Variants in PSMD11 observed in about 807,000 individuals in gnomAD.
PSMD11 encodes proteasome 26S subunit, non-ATPase 11, also known as 26S proteasome non-ATPase regulatory subunit 11.
PSMD11 carries 5 observed loss-of-function variants against 62.3 expected under a neutral mutation model. The ratio of observed to expected loss-of-function variants is 0.08; its 90% CI spans 0.04 to 0.17. The LOEUF is 0.17. PSMD11 is among the 10% of genes least tolerant of loss of function. The probability of loss-of-function intolerance (pLI) is 1.00; values close to 1 mark genes in which losing one functional copy is unlikely to be tolerated. For synonymous variants in PSMD11, 191 were observed against 191.8 expected (o/e 1.00, Z 0.03); for missense variants, 310 against 512.9 (o/e 0.60, Z 3.82).
chr17:32,462,263 C>G (rs1345427553), intron 3 of PSMD11, among the ~76,000 whole-genome samples: 2 of 152,242 alleles, frequency 1.3e-5, no homozygotes, highest in Admixed American at 1.3e-4. Context: ...CTGTGGGGGG[C>G]ACTTCTTACC....
In PSMD11 at chr17:32,480,614, G is replaced by A; in HGVS notation, c.1252G>A (p.Ala418Thr). 1 of 1,614,166 alleles carries A rather than the reference G, an allele frequency of 6.2e-7. No individual in the cohort carries two copies. The highest frequency in any genetic ancestry group is 8.5e-7 in the Non-Finnish European group (1 of 1,180,036). Residue 418 changes from alanine (A) to threonine (T), a missense_variant, in exon 13 of 14, where the codon GCC (alanine) becomes ACC (threonine). Physicochemically the swap from Ala to Thr is moderately conservative, Grantham distance 58 (BLOSUM62 0). Around this residue, in one of 6 missense-constraint regions of PSMD11, gnomAD observed 135 missense variants for 195.4 expected, o/e 0.69. Transcript: ENST00000261712. ...AGTAGTGGATTCCCTCTACAACAAAGCCAAGAAACTGACATAGGTGAGTGC... is the reference window on the plus strand; with the variant it reads ...AGTAGTGGATTCCCTCTACAACAAAACCAAGAAACTGACATAGGTGAGTGC... ...SKVVDSLYNK[A>T]KKLT
intron 5 of PSMD11, among the ~76,000 whole-genome samples, chr17:32,468,509 G>A (rs1054882893): frequency 6.6e-6 from 1 of 152,166 alleles, no homozygotes; most frequent in South Asian, 2.1e-4. Context: ...TGTATATGGT[G>A]TAAGTCTGTT....
intron 2 of PSMD11, among the ~76,000 whole-genome samples, chr17:32,450,149 C>A (rs893823417): frequency 1.8e-4 from 27 of 152,110 alleles, no homozygotes; most frequent in African/African-American, 5.8e-4. Flanking sequence ...TTAGTAGAGG[C>A]GGAGTTTCAT....
chr17:32,471,549 T>C (rs1308361127), intron 6 of PSMD11, among the ~76,000 whole-genome samples: 1 of 152,206 alleles, frequency 6.6e-6, no homozygotes, highest in African/African-American at 2.4e-5. Flanking sequence ...TTAGAAAAGC[T>C]ATCTTAAAGT....
intron 8 of PSMD11, among the ~76,000 whole-genome samples, chr17:32,475,802 C>T (rs1207136102): frequency 1.3e-5 from 2 of 151,726 alleles, no homozygotes; most frequent in African/African-American, 2.4e-5. Context: ...CCATCTTGGC[C>T]AGGCTGTCCC....
intron 4 of PSMD11, 81 bp from the exon 5 acceptor site, chr17:32,464,440 A>T: frequency 8.6e-7 from 1 of 1,166,614 alleles, no homozygotes; most frequent in Non-Finnish European, 1.2e-6. Context: ...TTTAACAGTA[A>T]CAGTTCTGTG....
At position 32,468,860 on chromosome 17, in the gene PSMD11, A is replaced by T. The variant is rs865851243; in HGVS notation, c.449-139A>T. ...CATTAGTGGAAAATTTAATTATTGCATGGGGTCTAGAGGTAACCTTTTTTG... is the reference window on the plus strand; with the variant it reads ...CATTAGTGGAAAATTTAATTATTGCTTGGGGTCTAGAGGTAACCTTTTTTG... On this transcript the variant is annotated intron_variant, in intron 5 of 13. Transcript: ENST00000261712. 4.7e-6 allele frequency: 3 copies of T among 637,348 alleles called. No homozygotes were observed. The East Asian group carries it at 9.7e-5, about 21-fold the overall frequency. The allele number at this position is 637,348 out of a possible 1,614,324, so 39.5% of individuals were successfully genotyped here.
intron 1 of PSMD11, chr17:32,444,844 C>CG (rs1907279268): frequency 5.2e-6 from 3 of 572,506 alleles, no homozygotes; most frequent in Non-Finnish European, 6.1e-6. Context: ...TGCTGACTCA[C>CG]GGGGGGCTCA....
chr17:32,454,798 T>C, intron 3 of PSMD11, 179 bp downstream of exon 3: 1 of 588,270 alleles, frequency 1.7e-6, no homozygotes, highest in Non-Finnish European at 2.8e-6. Context: ...TGTTCCATGC[T>C]TTGCTTTGTA....
intron 3 of PSMD11, among the ~76,000 whole-genome samples, chr17:32,459,939 C>G (rs1907774215): frequency 6.6e-6 from 1 of 151,744 alleles, no homozygotes; most frequent in Non-Finnish European, 1.5e-5. Context: ...GTTCTTAGTT[C>G]TTTTAAAATT....
intron 6 of PSMD11, 24 bp from the exon 7 acceptor site, chr17:32,473,777 T>C: frequency 6.2e-7 from 1 of 1,611,384 alleles, no homozygotes; most frequent in Non-Finnish European, 8.5e-7. Context: ...TATATGTTCT[T>C]ATTCCTTTCT....
chr17:32,470,955 A>G (rs985304916), intron 6 of PSMD11, among the ~76,000 whole-genome samples: 4 of 152,196 alleles, frequency 2.6e-5, no homozygotes, highest in Non-Finnish European at 4.4e-5. Context: ...GGCTGGAAGG[A>G]CGCATCACTC....
intron 8 of PSMD11, among the ~76,000 whole-genome samples, chr17:32,475,872 T>A (rs969067514): frequency 1.3e-5 from 2 of 151,112 alleles, no homozygotes; most frequent in Non-Finnish European, 2.9e-5. Flanking sequence ...GGATTGTAGG[T>A]GTGAGCCACT....
chr17:32,470,650 C>T (rs1267121756), intron 6 of PSMD11, among the ~76,000 whole-genome samples: 1 of 152,194 alleles, frequency 6.6e-6, no homozygotes, highest in Non-Finnish European at 1.5e-5. Context: ...TGATATGGCC[C>T]CTGTTAACTA....
Position 32,473,905 on chromosome 17 carries a change from T to C in PSMD11, c.748T>C (p.Ser250Pro), listed in dbSNP as rs1908246576. The change falls in exon 7 of 14, where the codon TCT (serine) becomes CCT (proline). Residue 250 changes from serine (S) to proline (P), a missense_variant. Physicochemically the swap from Ser to Pro is moderately conservative, Grantham distance 74 (BLOSUM62 -1). This residue lies in a region of PSMD11 where 47 missense variants were observed against 117.7 expected (regional missense o/e 0.40). Transcript: ENST00000261712. ...DSIDSPKAIT[S>P]LKYMLLCKIM... ...CATCGACAGCCCCAAGGCCATCACA[T>C]CTCTGAAGTACATGTTGCTGTGCAA... 1 of 1,614,204 alleles carries C rather than the reference T, an allele frequency of 6.2e-7. No homozygotes were observed. The highest frequency in any genetic ancestry group is 8.5e-7 in the Non-Finnish European group (1 of 1,180,030).
intron 8 of PSMD11, chr17:32,476,873 T>G (rs185713054): frequency 1.3e-4 from 20 of 152,406 alleles, no homozygotes; most frequent in Admixed American, 1.2e-3. Context: ...CTAGCAATTC[T>G]CCTGCCTCAG....
In PSMD11 at chr17:32,446,961, G is replaced by A. The variant is rs1354920510; in HGVS notation, c.108G>A (p.Gln36=). 1 of 1,611,242 alleles carries A rather than the reference G, an allele frequency of 6.2e-7. No homozygotes were observed. The highest frequency in any genetic ancestry group is 8.5e-7 in the Non-Finnish European group (1 of 1,178,834). Residue 36 remains glutamine, a synonymous_variant, in exon 2 of 14, where the codon CAG becomes CAA. Coordinates refer to ENST00000261712, the MANE Select transcript of PSMD11 (RefSeq NM_002815.4). ...CTCTCCCAGTGAAGCGTGACATTCA[G>A]GAAAACGATGAAGAGGCAGTGCAAG... ...ILHSIVKRDI[Q]ENDEEAVQVK...
At chr17:32,461,098 G>A (rs1907826636) in intron 3 of PSMD11, among the ~76,000 whole-genome samples, 1 of 151,808 alleles carries the variant, frequency 6.6e-6, no homozygotes, top group African/African-American at 2.4e-5. Flanking sequence ...TTTTTTTTGA[G>A]ACGGAGTCTC....
intron 9 of PSMD11, 98 bp from the exon 10 acceptor site, chr17:32,479,153 G>A (rs746104582): frequency 6.5e-4 from 946 of 1,449,996 alleles, no homozygotes; most frequent in Non-Finnish European, 8.4e-4. Context: ...ATTCAACCAT[G>A]TAGTTTTATA....
Sources: allele counts gnomAD v4.1 joint callset (sites outside exome capture counted in the v4.1 genomes callset), GRCh38; gene constraint gnomAD v4.1.1; regional missense constraint gnomAD v4.1.1; transcripts MANE v1.5; gene names NCBI Gene and HGNC (gene_info 2026-07-23, HGNC 2026-07-21).